TAFA1: variants seen among roughly 807,000 people sequenced by gnomAD.
TAFA1 encodes the protein chemokine-like protein TAFA-1.
In TAFA1, 4 loss-of-function variants were observed where a neutral mutation model predicts 18.5. The observed-to-expected ratio is 0.22, with a 90% confidence interval of 0.11 to 0.49. The LOEUF is 0.49. Among genes scored for constraint, TAFA1 ranks in the 20% least tolerant of loss-of-function variants. TAFA1 has a pLI of 0.98. For synonymous variants in TAFA1, 56 were observed against 55.2 expected, an observed-to-expected ratio of 1.01 and a Z score of -0.06; for missense variants, 147 against 169.0, an observed-to-expected ratio of 0.87 and a Z score of 0.72.
At chr3:68,358,419 A>G (rs1376109051) in intron 2 of TAFA1, among the ~76,000 whole-genome samples, 1 of 151,960 alleles carries the variant, frequency 6.6e-6, no homozygotes, top group Non-Finnish European at 1.5e-5. Context: ...GCATTATTCC[A>G]GTTCTATCAT....
At chr3:68,025,830 C>G (rs942102132) in intron 2 of TAFA1, among the ~76,000 whole-genome samples, 3 of 152,166 alleles carry the variant, frequency 2.0e-5, no homozygotes, top group Admixed American at 2.0e-4. Context: ...TCACCCTCAT[C>G]TCAGAACTGC....
chr3:68,145,701 T>C (rs998636352), intron 2 of TAFA1: 8 of 809,288 alleles, frequency 9.9e-6, no homozygotes, highest in Admixed American at 5.5e-5. Flanking sequence ...AATGTAAAGT[T>C]TGTATTTTCA....
intron 2 of TAFA1, among the ~76,000 whole-genome samples, chr3:68,065,973 G>T (rs1298697616): frequency 1.3e-5 from 2 of 152,010 alleles, no homozygotes; most frequent in Non-Finnish European, 2.9e-5. Context: ...AAATCATTAT[G>T]CCAGACAAAA....
At chr3:68,393,343 C>A (rs2070302484) in intron 2 of TAFA1, among the ~76,000 whole-genome samples, 1 of 150,736 alleles carries the variant, frequency 6.6e-6, no homozygotes, top group Non-Finnish European at 1.5e-5. Context: ...ATAGCAAGTT[C>A]TCAAATAAAG....
chr3:68,083,195 C>T (rs2064926514), intron 2 of TAFA1, among the ~76,000 whole-genome samples: 1 of 152,122 alleles, frequency 6.6e-6, no homozygotes, highest in Non-Finnish European at 1.5e-5. Context: ...CAGAGAAGGG[C>T]TCTATCCAGA....
rs570915403 is a variant in TAFA1, at chr3:68,476,066, T to G, written c.259+58646T>G. Among the ~76,000 whole-genome samples, 36 of 152,344 alleles carry G rather than the reference T, an allele frequency of 2.4e-4. 1 individual carries two copies. Among genetic ancestry groups the G allele is most frequent in the African/African-American group, 8.4e-4 (35 of 41,592 alleles). On this transcript the variant is annotated intron_variant, in intron 3 of 4. Transcript: ENST00000478136. ...TTGTAGATTCTGGATATTAGCCCTT[T>G]GTCAGTTGAGTAGATTGCAAAAATT...
At chr3:68,327,198 G>A (rs1010856892) in intron 2 of TAFA1, among the ~76,000 whole-genome samples, 1 of 152,132 alleles carries the variant, frequency 6.6e-6, no homozygotes, top group African/African-American at 2.4e-5. Flanking sequence ...ATGTGGAACT[G>A]TGAGTTCATT....
chr3:68,132,064 T>G (rs1439242286), intron 2 of TAFA1, among the ~76,000 whole-genome samples: 3 of 152,174 alleles, frequency 2.0e-5, no homozygotes, highest in Admixed American at 2.0e-4. Flanking sequence ...AAGTGTGTGA[T>G]GTTCCTCTCT....
chr3:68,415,458 G>C (rs1376424700), intron 2 of TAFA1, among the ~76,000 whole-genome samples: 1 of 152,202 alleles, frequency 6.6e-6, no homozygotes, highest in African/African-American at 2.4e-5. Flanking sequence ...GCTCTAAGGA[G>C]AGTTAACTGG....
At chr3:68,120,145 TTTTC>T (rs1005778432) in intron 2 of TAFA1, among the ~76,000 whole-genome samples, 3 of 151,838 alleles carry the variant, frequency 2.0e-5, no homozygotes, top group Non-Finnish European at 4.4e-5. Context: ...CCATATTTCA[TTTTC>T]TTTCTTTCTT....
At chr3:68,030,287 T>A (rs1235197065) in intron 2 of TAFA1, among the ~76,000 whole-genome samples, 2 of 152,062 alleles carry the variant, frequency 1.3e-5, no homozygotes, top group African/African-American at 4.8e-5. Flanking sequence ...CTACTTTAAG[T>A]TCTGAGATAC....
intron 2 of TAFA1, among the ~76,000 whole-genome samples, chr3:68,195,532 G>C (rs953784138): frequency 2.6e-5 from 4 of 151,340 alleles, no homozygotes; most frequent in African/African-American, 4.8e-5. Context: ...ATTTGGCAAA[G>C]TCCAGAGGCA....
chr3:68,349,711 G>A (rs2069230971), intron 2 of TAFA1, among the ~76,000 whole-genome samples: 1 of 152,088 alleles, frequency 6.6e-6, no homozygotes, highest in African/African-American at 2.4e-5. Flanking sequence ...ATATGCAAAT[G>A]AATGGGGGTG....
intron 2 of TAFA1, among the ~76,000 whole-genome samples, chr3:68,245,413 A>T (rs146863455): frequency 6.6e-6 from 1 of 152,310 alleles, no homozygotes; most frequent in East Asian, 1.9e-4. Flanking sequence ...CTATTTTCCC[A>T]GATATTAACC....
intron 2 of TAFA1, among the ~76,000 whole-genome samples, chr3:68,363,974 C>T (rs927631229): frequency 6.6e-6 from 1 of 152,098 alleles, no homozygotes; most frequent in Non-Finnish European, 1.5e-5. Flanking sequence ...CTGTTTCCAG[C>T]TGATGGATTT....
intron 3 of TAFA1, among the ~76,000 whole-genome samples, chr3:68,505,967 C>G (rs2072743695): frequency 6.6e-6 from 1 of 151,820 alleles, no homozygotes; most frequent in Admixed American, 6.6e-5. Context: ...TATACATGTG[C>G]CATGATGGTT....
intron 2 of TAFA1, among the ~76,000 whole-genome samples, chr3:68,295,115 A>G (rs1456165323): frequency 6.6e-6 from 1 of 152,196 alleles, no homozygotes; most frequent in Non-Finnish European, 1.5e-5. Flanking sequence ...GAGCCCTAAC[A>G]GTTGAATGAG....
At chr3:68,514,624 A>G (rs750696191) in intron 3 of TAFA1, among the ~76,000 whole-genome samples, 1 of 151,886 alleles carries the variant, frequency 6.6e-6, no homozygotes, top group African/African-American at 2.4e-5. Context: ...TTTCTTCTAC[A>G]TTGGGTTCCA....
At chr3:68,539,402 C>A (rs1020403861) in intron 4 of TAFA1, among the ~76,000 whole-genome samples, 1 of 151,798 alleles carries the variant, frequency 6.6e-6, no homozygotes, top group Non-Finnish European at 1.5e-5. Context: ...AAATAACAAT[C>A]TTCAGGGTGG....
Sources: allele counts gnomAD v4.1 joint callset (sites outside exome capture counted in the v4.1 genomes callset), GRCh38; gene constraint gnomAD v4.1.1; transcripts MANE v1.5; gene names NCBI Gene and HGNC (gene_info 2026-07-23, HGNC 2026-07-21).